NBAS: variants seen among roughly 807,000 people sequenced by gnomAD.
NBAS encodes the protein NAG/BC035112 fusion.
In NBAS, 219 loss-of-function variants were observed where a neutral mutation model predicts 302.5. That is an observed-to-expected ratio of 0.72 (90% CI 0.65 to 0.81). The LOEUF (loss-of-function observed/expected upper bound fraction) is 0.81. Ranked by LOEUF, NBAS falls within the 30% of genes least tolerant of loss-of-function variation. The probability of loss-of-function intolerance (pLI) is 0.00; values close to 1 mark genes in which losing one functional copy is unlikely to be tolerated. For missense variants in NBAS, 2,932 were observed against 2,841.6 expected (o/e 1.03, Z -0.72); for synonymous variants, 1,118 against 1,021.6 (o/e 1.09, Z -1.80).
At chr2:15,272,045 T>C (rs1669348855) in intron 44 of NBAS, among the ~76,000 whole-genome samples, 2 of 152,198 alleles carry the variant, frequency 1.3e-5, no homozygotes, top group African/African-American at 2.4e-5. Context: ...TAATACTATT[T>C]GTAAATATTT....
At chr2:15,097,136 T>C in the NBAS span, among the ~76,000 whole-genome samples, 3 of 152,136 alleles carry the variant, frequency 2.0e-5, no homozygotes, top group Admixed American at 6.5e-5. Context: ...GAGGTATTTA[T>C]GTAGCACCTT....
At chr2:14,922,346 C>G in the NBAS span, among the ~76,000 whole-genome samples, 1 of 152,264 alleles carries the variant, frequency 6.6e-6, no homozygotes, top group South Asian at 2.1e-4. Context: ...GAGAGGAAGT[C>G]CTGTTGGGTT....
chr2:15,085,055 G>A, the NBAS span, among the ~76,000 whole-genome samples: 3 of 152,200 alleles, frequency 2.0e-5, no homozygotes, highest in Non-Finnish European at 4.4e-5. Flanking sequence ...CGCCCTGGGG[G>A]CTGCTGTGAC....
chr2:15,351,955 G>A (rs769721444), intron 35 of NBAS, 37 bp downstream of exon 35: 1 of 1,479,584 alleles, frequency 6.8e-7, no homozygotes, highest in South Asian at 1.1e-5. Context: ...TCCACTCTCA[G>A]CCACCTTTCA....
chr2:15,510,256 T>A (rs2287269), intron 10 of NBAS, among the ~76,000 whole-genome samples: 1 of 152,352 alleles, frequency 6.6e-6, no homozygotes, highest in Non-Finnish European at 1.5e-5. Context: ...GTTTTTCACA[T>A]CTTTCTGGAC....
intron 47 of NBAS, among the ~76,000 whole-genome samples, chr2:15,223,773 G>A (rs1272029293): frequency 6.6e-6 from 1 of 150,946 alleles, no homozygotes; most frequent in Non-Finnish European, 1.5e-5. Context: ...AGGTTGCAAA[G>A]AGCCGAGATC....
chr2:14,827,216 A>G, the NBAS span, among the ~76,000 whole-genome samples: 1 of 152,370 alleles, frequency 6.6e-6, no homozygotes, highest in East Asian at 1.9e-4. Flanking sequence ...AATTCAAAAG[A>G]AACTGCATCT....
intron 13 of NBAS, among the ~76,000 whole-genome samples, 171 bp downstream of exon 13, chr2:15,478,055 C>A (rs1680265236): frequency 6.6e-6 from 1 of 150,772 alleles, no homozygotes; most frequent in Non-Finnish European, 1.5e-5. Context: ...TTTAGGAAAG[C>A]CTGACCATCA....
chr2:15,541,482 T>A (rs1663816477), intron 6 of NBAS, among the ~76,000 whole-genome samples: 1 of 152,146 alleles, frequency 6.6e-6, no homozygotes, highest in Non-Finnish European at 1.5e-5. Context: ...CTTAACTTTG[T>A]AATACATATT....
the NBAS span, among the ~76,000 whole-genome samples, chr2:14,897,076 TC>T: frequency 0.2 from 30,164 of 148,884 alleles, 3,327 homozygotes; most frequent in Non-Finnish European, 0.25. Context: ...TTTTTTTTTT[TC>T]CATCATTTTA....
chr2:14,898,123 C>T, the NBAS span, among the ~76,000 whole-genome samples: 1 of 152,184 alleles, frequency 6.6e-6, no homozygotes, highest in South Asian at 2.1e-4. Flanking sequence ...TTTAATTTGC[C>T]TTTGCTTATA....
the NBAS span, among the ~76,000 whole-genome samples, chr2:15,133,310 A>G: frequency 4.6e-5 from 7 of 150,730 alleles, no homozygotes; most frequent in Admixed American, 1.3e-4. Flanking sequence ...ATCCATTTGG[A>G]AGGACATAGC....
At chr2:15,227,607 C>G (rs1205931506) in intron 47 of NBAS, among the ~76,000 whole-genome samples, 2 of 152,070 alleles carry the variant, frequency 1.3e-5, no homozygotes, top group African/African-American at 2.4e-5. Context: ...TATGGTAACC[C>G]AAACAGCATG....
the NBAS span, among the ~76,000 whole-genome samples, chr2:14,871,825 T>C: frequency 0.056 from 8,455 of 152,150 alleles, 287 homozygotes; most frequent in African/African-American, 0.073. Flanking sequence ...GAGGCCAAAA[T>C]TGACCAAAAA....
chr2:15,197,299 C>T (rs1187792935), intron 48 of NBAS, among the ~76,000 whole-genome samples: 2 of 152,142 alleles, frequency 1.3e-5, no homozygotes, highest in African/African-American at 2.4e-5. Flanking sequence ...TCATACAATC[C>T]TAGTTTTTCA....
intron 12 of NBAS, among the ~76,000 whole-genome samples, chr2:15,484,629 T>C (rs1234913730): frequency 1.3e-5 from 2 of 152,176 alleles, no homozygotes; most frequent in Non-Finnish European, 2.9e-5. Flanking sequence ...ACACAAATAC[T>C]ATTTATTTCC....
chr2:15,461,161 A>G (rs1408701548), intron 21 of NBAS, 40 bp downstream of exon 21: 12 of 1,515,394 alleles, frequency 7.9e-6, no homozygotes, highest in Non-Finnish European at 1.1e-5. Context: ...AATTATCAAT[A>G]TAAAAAAGAA....
At chr2:15,508,670 T>C (rs1349834554) in intron 10 of NBAS, among the ~76,000 whole-genome samples, 1 of 152,094 alleles carries the variant, frequency 6.6e-6, no homozygotes. Flanking sequence ...CAGACACACA[T>C]AATTTAAAAT....
At chr2:14,820,158 C>A in the NBAS span, among the ~76,000 whole-genome samples, 110 of 152,276 alleles carry the variant, frequency 7.2e-4, no homozygotes, top group African/African-American at 2.5e-3. Flanking sequence ...AGTCCCACTG[C>A]TGAGTGTGTA....
Sources: allele counts gnomAD v4.1 joint callset (sites outside exome capture counted in the v4.1 genomes callset), GRCh38; gene constraint gnomAD v4.1.1; transcripts MANE v1.5; gene names NCBI Gene and HGNC (gene_info 2026-07-23, HGNC 2026-07-21).